ARHGAP21: variants seen among roughly 807,000 people sequenced by gnomAD.
ARHGAP21 encodes the protein rho GTPase-activating protein 21.
ARHGAP21 carries 38 observed loss-of-function variants against 164.6 expected under a neutral mutation model. That is an observed-to-expected ratio of 0.23 (90% CI 0.18 to 0.30). The LOEUF is 0.30. Ranked by LOEUF, ARHGAP21 falls within the 10% of genes least tolerant of loss-of-function variation. The pLI, the probability that ARHGAP21 is intolerant of heterozygous loss-of-function variation, is 1.00. For synonymous variants in ARHGAP21, 766 were observed against 857.9 expected (o/e 0.89, Z 1.87); for missense variants, 1,822 against 2,370.7 (o/e 0.77, Z 4.81).
In ARHGAP21 at chr10:24,620,627, G is replaced by T. The variant is rs2131185346; in HGVS notation, c.1268C>A (p.Thr423Lys). 1 of 1,614,242 alleles carries T rather than the reference G, an allele frequency of 6.2e-7. No homozygotes were observed. The highest frequency in any genetic ancestry group is 1.6e-4 in the Middle Eastern group (1 of 6,062). ...DSLRAASQST[T>K]DYNQVVPNRT... is the part of the protein sequence containing the mutation. ...GTTGGGGACGACCTGGTTATAATCTGTCGTGCTTTGAGATGCTGCTCTTAA... is the reference window on the plus strand; with the variant it reads ...GTTGGGGACGACCTGGTTATAATCTTTCGTGCTTTGAGATGCTGCTCTTAA... Residue 423 changes from threonine (T) to lysine (K), a missense_variant, in exon 9 of 26, where the codon ACA becomes AAA. Thr to Lys is a moderately conservative substitution (Grantham distance 78). Coordinates refer to ENST00000396432, the MANE Select transcript of ARHGAP21 (RefSeq NM_020824.4).
At chr10:24,711,795 G>A (rs1438745201) in intron 2 of ARHGAP21, among the ~76,000 whole-genome samples, 1 of 152,216 alleles carries the variant, frequency 6.6e-6, no homozygotes, top group African/African-American at 2.4e-5. Flanking sequence ...ATCTGAGCAT[G>A]TGACCAAACA....
chr10:24,595,001 C>A lies in ARHGAP21; in HGVS notation c.3825G>T (p.Lys1275Asn). ...CTGTCTTCAGATGAGCTGAAAGGAACTTAAGTGTTTCATAATGATGTTCAG... is the reference window on the plus strand; with the variant it reads ...CTGTCTTCAGATGAGCTGAAAGGAAATTAAGTGTTTCATAATGATGTTCAG... ...DLPEHHYETL[K>N]FLSAHLKTVA... Residue 1275 changes from lysine (K) to asparagine (N), a missense_variant, in exon 21 of 26, where the codon AAG becomes AAT. This residue lies in a region of ARHGAP21 where 117 missense variants were observed against 238.1 expected (regional missense o/e 0.49). Coordinates refer to ENST00000396432, the MANE Select transcript of ARHGAP21 (RefSeq NM_020824.4). 6.2e-7 allele frequency: 1 copy of A among 1,613,078 alleles called. No homozygotes were observed. The highest frequency in any genetic ancestry group is 8.5e-7 in the Non-Finnish European group (1 of 1,179,374).
rs565477132 is a variant in ARHGAP21, at chr10:24,594,335, C to A, written c.3876+615G>T. On this transcript the variant is annotated intron_variant, in intron 21 of 25. Transcript: ENST00000396432. Reference sequence around the variant, plus strand: ...ACTTAAGCAAATAACCCTACAAAGACACTTTTACAATCAAGAAAAACTGAA... The same window carrying A: ...ACTTAAGCAAATAACCCTACAAAGAAACTTTTACAATCAAGAAAAACTGAA... 9.2e-5 allele frequency among the ~76,000 whole-genome samples: 14 copies of A among 152,244 alleles called. No homozygotes were observed. In the South Asian group the frequency reaches 2.9e-3, roughly 32 times the overall value.
At chr10:24,683,165 T>A (rs1290755047) in intron 2 of ARHGAP21, among the ~76,000 whole-genome samples, 1 of 151,192 alleles carries the variant, frequency 6.6e-6, no homozygotes. Flanking sequence ...ACTTGAACAA[T>A]CTAAGTGACT....
At chr10:24,705,362 T>C (rs1043086659) in intron 2 of ARHGAP21, among the ~76,000 whole-genome samples, 1 of 152,238 alleles carries the variant, frequency 6.6e-6, no homozygotes, top group East Asian at 1.9e-4. Context: ...AGAAAGTGCA[T>C]TGAGGGATCA....
chr10:24,653,267 T>C (rs1277599490), intron 4 of ARHGAP21, among the ~76,000 whole-genome samples: 1 of 152,116 alleles, frequency 6.6e-6, no homozygotes, highest in African/African-American at 2.4e-5. Context: ...GGATTTTGTT[T>C]TGTTTTGTTT....
intron 4 of ARHGAP21, among the ~76,000 whole-genome samples, chr10:24,638,921 T>C: frequency 6.6e-6 from 1 of 152,252 alleles, no homozygotes; most frequent in East Asian, 1.9e-4. Context: ...CATGTAAATT[T>C]ACCTGAACTT....
At position 24,722,114 on chromosome 10, in the gene ARHGAP21, T is replaced by C. The variant is rs2132366505; in HGVS notation, c.-215A>G. The C allele has an allele frequency of 3.4e-6, 2 of 594,502 alleles. No individual in the cohort carries two copies. The highest frequency in any genetic ancestry group is 4.0e-5 in the South Asian group (2 of 50,420). 36.8% of individuals were successfully genotyped at this position (594,502 alleles called of 1,614,324 possible). On this transcript the variant is annotated 5_prime_UTR_variant, in exon 2 of 26. Coordinates refer to ENST00000396432, the MANE Select transcript of ARHGAP21 (RefSeq NM_020824.4). ...CTCGTGACTTCAACTGACTTCGCCT[T>C]CTTCTTCCATTTCTGGAGACTTAAA... is the stretch of plus-strand genomic sequence containing the variant.
intron 4 of ARHGAP21, among the ~76,000 whole-genome samples, chr10:24,644,655 G>A (rs1837383512): frequency 1.3e-5 from 2 of 152,006 alleles, no homozygotes; most frequent in Admixed American, 1.3e-4. Context: ...CACTCCCCTT[G>A]CCCCACTTAA....
intron 9 of ARHGAP21, among the ~76,000 whole-genome samples, chr10:24,608,765 T>A (rs112579820): frequency 8.8e-4 from 109 of 123,402 alleles, no homozygotes; most frequent in African/African-American, 2.8e-3. Context: ...TTTTCTGTTT[T>A]TACAACTTTC....
chr10:24,597,627 C>T (rs776096392), intron 15 of ARHGAP21, 44 bp from the exon 16 acceptor site: 6 of 1,607,086 alleles, frequency 3.7e-6, no homozygotes, highest in South Asian at 1.1e-5. Context: ...AGTAATCCCC[C>T]TCTATCTATG....
At chr10:24,622,849 G>A (rs898430985) in intron 7 of ARHGAP21, 87 bp from the exon 8 acceptor site, 29 of 1,341,630 alleles carry the variant, frequency 2.2e-5, no homozygotes, top group Non-Finnish European at 2.8e-5. Flanking sequence ...GAAACGGCAA[G>A]CTAAAAATAC....
chr10:24,686,431 T>C (rs1842218673), intron 2 of ARHGAP21, among the ~76,000 whole-genome samples: 1 of 151,440 alleles, frequency 6.6e-6, no homozygotes, highest in Non-Finnish European at 1.5e-5. Context: ...CTATCTCAAA[T>C]AAATAAATAA....
intron 2 of ARHGAP21, among the ~76,000 whole-genome samples, chr10:24,675,551 C>T (rs951153716): frequency 3.3e-5 from 5 of 152,104 alleles, no homozygotes; most frequent in Admixed American, 2.6e-4. Flanking sequence ...ACAGTTTACA[C>T]ATGTACAGTT....
At chr10:24,638,500 C>T (rs1836622206) in intron 4 of ARHGAP21, among the ~76,000 whole-genome samples, 1 of 152,202 alleles carries the variant, frequency 6.6e-6, no homozygotes, top group South Asian at 2.1e-4. Context: ...TCTAGATATG[C>T]AGAACTAAAA....
intron 4 of ARHGAP21, among the ~76,000 whole-genome samples, chr10:24,657,782 G>T (rs1203881340): frequency 2.0e-5 from 2 of 102,562 alleles, no homozygotes; most frequent in Non-Finnish European, 3.9e-5. Context: ...AACATGTGCT[G>T]TGTCCACTCA....
chr10:24,674,398 G>T (rs1288591145), intron 2 of ARHGAP21, among the ~76,000 whole-genome samples: 1 of 152,198 alleles, frequency 6.6e-6, no homozygotes, highest in East Asian at 1.9e-4. Context: ...GCCAGGTGTG[G>T]TGGCATGCGC....
intron 2 of ARHGAP21, among the ~76,000 whole-genome samples, chr10:24,683,167 T>G (rs2131910598): frequency 6.6e-6 from 1 of 151,910 alleles, no homozygotes; most frequent in South Asian, 2.1e-4. Context: ...TTGAACAATC[T>G]AAGTGACTTT....
intron 2 of ARHGAP21, among the ~76,000 whole-genome samples, chr10:24,671,884 A>AT (rs35692163): frequency 0.012 from 1,026 of 82,564 alleles, 59 homozygotes; most frequent in African/African-American, 0.024. Context: ...CATCAAGCTA[A>AT]TTTTTTTTTT....
Sources: gnomAD v4.1 joint callset for allele counts (sites outside exome capture counted in the v4.1 genomes callset) on GRCh38, gnomAD v4.1.1 for gene constraint, gnomAD v4.1.1 regional missense constraint, MANE v1.5 for transcripts, NCBI Gene and HGNC (gene_info 2026-07-23, HGNC 2026-07-21) for gene names.